Variants in TRIM23 observed in about 807,000 individuals in gnomAD.
TRIM23 encodes the protein tripartite motif containing 23, also known as E3 ubiquitin-protein ligase TRIM23.
A neutral mutation model predicts 71.0 loss-of-function variants in TRIM23; 27 were observed. That is an observed-to-expected ratio of 0.38 (90% CI 0.28 to 0.52). TRIM23 has a LOEUF of 0.52. TRIM23 is among the 20% of genes least tolerant of loss of function. The probability of loss-of-function intolerance (pLI) is 0.84; values close to 1 mark genes in which losing one functional copy is unlikely to be tolerated. For synonymous variants in TRIM23, 234 were observed against 238.0 expected (o/e 0.98, Z 0.16); for missense variants, 482 against 692.3 (o/e 0.70, Z 3.41).
In TRIM23 at chr5:65,591,942, C is replaced by G; in HGVS notation, c.1552G>C (p.Ala518Pro). The change falls in exon 11 of 11, where the codon GCT becomes CCT. Residue 518 changes from alanine to proline, a missense_variant. This residue lies in a region of TRIM23 where 307 missense variants were observed against 495.8 expected (regional missense o/e 0.62). Coordinates refer to ENST00000231524, the MANE Select transcript of TRIM23 (RefSeq NM_001656.4). ...LLIFANKQDV[A>P]GALSVEEITE... ...ATTTCTTCTACTGACAGTGCTCCAG[C>G]AACATCCTGAAAGATATATACACAT... 2 of 1,613,170 alleles carry G rather than the reference C, an allele frequency of 1.2e-6. No individual in the cohort carries two copies. Among genetic ancestry groups the G allele is most frequent in the Non-Finnish European group, 1.7e-6 (2 of 1,179,476 alleles).
intron 2 of TRIM23, among the ~76,000 whole-genome samples, chr5:65,615,495 T>C (rs1292507171): frequency 6.6e-6 from 1 of 150,562 alleles, no homozygotes; most frequent in Non-Finnish European, 1.5e-5. Context: ...GATGGAGTCA[T>C]TGCCTGCAGG....
chr5:65,604,525 G>C (rs1754445992), intron 7 of TRIM23: 1 of 155,292 alleles, frequency 6.4e-6, no homozygotes, highest in Non-Finnish European at 1.4e-5. Context: ...GGAGATTGCA[G>C]GTAGGAAAAG....
At chr5:65,593,727 C>G (rs900460201) in intron 10 of TRIM23, among the ~76,000 whole-genome samples, 3 of 152,170 alleles carry the variant, frequency 2.0e-5, no homozygotes, top group South Asian at 4.2e-4. Flanking sequence ...TACTCCCAGT[C>G]CTTCATCCTC....
Position 65,590,637 on chromosome 5 carries a change from AT to A in TRIM23, c.*1131del. ...AAATGAAAAACAGTAAAGAGCACAC[AT>A]TTTTATTTACTCACAACACTGAATA... On this transcript the variant is annotated 3_prime_UTR_variant, in exon 11 of 11. Transcript: ENST00000231524. The A allele has an allele frequency of 1.0e-6, 1 of 989,030 alleles. No homozygotes were observed. Among genetic ancestry groups the A allele is most frequent in the Non-Finnish European group, 1.2e-6 (1 of 828,240 alleles). 61.3% of individuals were successfully genotyped at this position (989,030 alleles called of 1,614,324 possible).
rs1753979876 is a variant in TRIM23, at chr5:65,590,188, A to G, written c.*1581T>C. 4 of 738,280 alleles carry G rather than the reference A, an allele frequency of 5.4e-6. No homozygotes were observed. The Admixed American group carries it at 7.9e-5, about 14-fold the overall frequency. 45.7% of individuals were successfully genotyped at this position (738,280 alleles called of 1,614,324 possible). ...TAAACAGTTCAAGTTCTCACAAGCAATACAACACCTTTTTTATTTTTCACA... is the reference window on the plus strand; with the variant it reads ...TAAACAGTTCAAGTTCTCACAAGCAGTACAACACCTTTTTTATTTTTCACA... On this transcript the variant is annotated 3_prime_UTR_variant, in exon 11 of 11. Transcript: ENST00000231524.
intron 5 of TRIM23, among the ~76,000 whole-genome samples, 181 bp downstream of exon 5, chr5:65,610,680 A>G (rs1232406747): frequency 1.3e-5 from 2 of 152,230 alleles, no homozygotes; most frequent in African/African-American, 4.8e-5. Flanking sequence ...AATAGTTACC[A>G]TATTTCAAAC....
chr5:65,597,686 C>T (rs887973806), intron 7 of TRIM23, among the ~76,000 whole-genome samples: 7 of 152,158 alleles, frequency 4.6e-5, no homozygotes, highest in Non-Finnish European at 1.0e-4. Flanking sequence ...ATTATGGAAT[C>T]CTGTCAATAC....
chr5:65,611,898 T>A lies in TRIM23; in HGVS notation c.367-17A>T. The A allele has an allele frequency of 6.2e-7, 1 of 1,601,750 alleles. No individual in the cohort carries two copies. Among genetic ancestry groups the A allele is most frequent in the East Asian group, 2.2e-5 (1 of 44,626 alleles). The stretch of plus-strand genomic sequence containing the variant: ...AATGATGCTCTGATAAACAAAAAAT[T>A]AATGCCTTAAAATTGAACCCAATCA... On this transcript the variant is annotated splice_polypyrimidine_tract_variant and intron_variant, in intron 3 of 10. Coordinates refer to ENST00000231524, the MANE Select transcript of TRIM23 (RefSeq NM_001656.4).
intron 10 of TRIM23, among the ~76,000 whole-genome samples, chr5:65,592,563 T>G (rs1400131338): frequency 6.6e-6 from 1 of 151,528 alleles, no homozygotes; most frequent in African/African-American, 2.4e-5. Context: ...AAAAAAAAAA[T>G]TAACACATAG....
intron 1 of TRIM23, 116 bp from the exon 2 acceptor site, chr5:65,618,371 A>C: frequency 1.8e-6 from 2 of 1,132,530 alleles, no homozygotes; most frequent in Non-Finnish European, 2.3e-6. Context: ...TTATTCCTCT[A>C]TGAAAAAAAA....
chr5:65,600,219 T>C lies in TRIM23; in HGVS notation c.1180-3039A>G, dbSNP rs77507588. On this transcript the variant is annotated intron_variant, in intron 7 of 10. Transcript: ENST00000231524. The stretch of plus-strand genomic sequence containing the variant: ...CCTCCAACCAGGCCCCATTTCAACA[T>C]TGGGGATTACAACTGGAAATGAGAT... 2.1e-3 allele frequency among the ~76,000 whole-genome samples: 316 copies of C among 152,170 alleles called. 3 individuals carry two copies. Among genetic ancestry groups the C allele is most frequent in the African/African-American group, 7.3e-3 (301 of 41,506 alleles).
At chr5:65,594,030 G>C (rs540276317) in intron 10 of TRIM23, among the ~76,000 whole-genome samples, 1 of 152,250 alleles carries the variant, frequency 6.6e-6, no homozygotes, top group South Asian at 2.1e-4. Context: ...GGCCTTGTCT[G>C]TTATTCTAAA....
At position 65,590,342 on chromosome 5, in the gene TRIM23, C is replaced by T. The variant is rs753049967; in HGVS notation, c.*1427G>A. The stretch of plus-strand genomic sequence containing the variant: ...ATGAAATATTACATTTATTTATTTA[C>T]ATATTGCCCATAATACTGATAGGCT... On this transcript the variant is annotated 3_prime_UTR_variant, in exon 11 of 11. Coordinates refer to ENST00000231524, the MANE Select transcript of TRIM23 (RefSeq NM_001656.4). 6.9e-7 allele frequency: 1 copy of T among 1,454,456 alleles called. No individual in the cohort carries two copies. Among genetic ancestry groups the T allele is most frequent in the South Asian group, 1.3e-5 (1 of 74,104 alleles). 90.1% of individuals were successfully genotyped at this position (1,454,456 alleles called of 1,614,324 possible). A position where few individuals can be genotyped will look rare whatever the true frequency, so the allele number is the denominator to read the frequency against.
At chr5:65,607,079 G>A (rs1219308942) in intron 6 of TRIM23, 3 of 152,142 alleles carry the variant, frequency 2.0e-5, no homozygotes, top group South Asian at 2.1e-4. Flanking sequence ...TGTTTAGAGT[G>A]GATGGATGAT....
chr5:65,622,852 G>A (rs1290859221), intron 1 of TRIM23, among the ~76,000 whole-genome samples: 2 of 152,120 alleles, frequency 1.3e-5, no homozygotes, highest in African/African-American at 4.8e-5. Context: ...AAGGCAAACA[G>A]GGTAACAAAA....
intron 10 of TRIM23, 115 bp downstream of exon 10, chr5:65,594,406 A>G: frequency 7.6e-7 from 1 of 1,311,312 alleles, no homozygotes; most frequent in South Asian, 1.5e-5. Flanking sequence ...TACTCAAAAT[A>G]CACAGAAGAA....
At position 65,605,148 on chromosome 5, in the gene TRIM23, A is replaced by C. The variant is rs570069332; in HGVS notation, c.1045-103T>G. On this transcript the variant is annotated intron_variant, in intron 6 of 10. Coordinates refer to ENST00000231524, the MANE Select transcript of TRIM23 (RefSeq NM_001656.4). ...ATAAAAGCAGTTTTAACATTATAGT[A>C]GTCAAAGTTAAATGTAAATTTGACA... 3.0e-5 allele frequency: 32 copies of C among 1,055,778 alleles called. No individual in the cohort carries two copies. The African/African-American group carries it at 5.0e-4, about 16-fold the overall frequency. The allele number at this position is 1,055,778 out of a possible 1,614,324, so 65.4% of individuals were successfully genotyped here.
intron 7 of TRIM23, among the ~76,000 whole-genome samples, chr5:65,600,736 GA>G (rs1472050958): frequency 6.6e-6 from 1 of 151,510 alleles, no homozygotes. Context: ...GAAAATATTT[GA>G]AAGTCACAGA....
chr5:65,611,310 ATT>A (rs932443469), intron 4 of TRIM23, among the ~76,000 whole-genome samples: 2 of 152,216 alleles, frequency 1.3e-5, no homozygotes, highest in African/African-American at 4.8e-5. Context: ...AGACATAAAT[ATT>A]GTCAAAACAA....
Sources: allele counts gnomAD v4.1 joint callset (sites outside exome capture counted in the v4.1 genomes callset), GRCh38; gene constraint gnomAD v4.1.1; regional missense constraint gnomAD v4.1.1; transcripts MANE v1.5; gene names NCBI Gene and HGNC (gene_info 2026-07-23, HGNC 2026-07-21).